CRBN: variants seen among roughly 807,000 people sequenced by gnomAD.
CRBN encodes cereblon.
CRBN carries 53 observed loss-of-function variants against 62.2 expected under a neutral mutation model. That is an observed-to-expected ratio of 0.85 (90% confidence interval 0.68 to 1.07). The LOEUF is 1.07. Among genes scored for constraint, CRBN ranks in the 50% least tolerant of loss-of-function variants. The pLI, the probability that CRBN is intolerant of heterozygous loss-of-function variation, is 0.00. For missense variants in CRBN, 616 were observed against 531.1 expected, an observed-to-expected ratio of 1.16 and a Z score of -1.57; for synonymous variants, 208 against 176.1, an observed-to-expected ratio of 1.18 and a Z score of -1.43.
intron 5 of CRBN, among the ~76,000 whole-genome samples, chr3:3,165,411 G>C (rs1242236815): frequency 6.6e-6 from 1 of 152,156 alleles, no homozygotes; most frequent in African/African-American, 2.4e-5. Context: ...TCAATCTGTG[G>C]GGCAAACTTC....
chr3:3,153,650 A>AAAGTCACT (rs1247438954), intron 8 of CRBN, 162 bp from the exon 9 acceptor site: 1 of 640,814 alleles, frequency 1.6e-6, no homozygotes, highest in African/African-American at 1.8e-5. Context: ...ATGGAGCACG[A>AAAGTCACT]AAGTCACTGA....
chr3:3,167,866 G>C (rs1707411957), intron 4 of CRBN, 73 bp from the exon 5 acceptor site: 1 of 1,443,364 alleles, frequency 6.9e-7, no homozygotes, highest in Non-Finnish European at 9.7e-7. Context: ...TTTCTAAACA[G>C]TGATAATTTT....
At position 3,173,996 on chromosome 3, in the gene CRBN, C is replaced by CACTG. The variant is rs1231938597; in HGVS notation, c.377+59_377+62dup. 2.9e-6 allele frequency: 4 copies of CACTG among 1,382,310 alleles called. No individual in the cohort carries two copies. In the African/African-American group the frequency reaches 4.3e-5, roughly 15 times the overall value. The allele number at this position is 1,382,310 out of a possible 1,614,324, so 85.6% of individuals were successfully genotyped here. On this transcript the variant is annotated intron_variant, in intron 3 of 10. Transcript: ENST00000231948. ...AAATAACAGCCTGCTTTGGCTTCAA[C>CACTG]ACTGACCACTGCAATTACCCATGAG...
intron 7 of CRBN, 25 bp from the exon 8 acceptor site, chr3:3,154,100 T>G (rs1295528318): frequency 7.1e-7 from 1 of 1,403,752 alleles, no homozygotes. Context: ...TTTTCAAGTT[T>G]TAAACTTAGG....
At position 3,172,841 on chromosome 3, in the gene CRBN, T is replaced by G; in HGVS notation, c.462A>C (p.Ile154=). ...GTCTTCCAATTGCTTTCACTTTCAC[T>G]ATCTCAATTCCAAAATCCTGTTCTT... ...YREEQDFGIE[I]VKVKAIGRQR... is the part of the protein sequence containing the mutation. Residue 154 remains isoleucine (I), a synonymous_variant, in exon 4 of 11, where the codon ATA becomes ATC. Transcript: ENST00000231948. The G allele has an allele frequency of 6.2e-7, 1 of 1,613,814 alleles. No individual in the cohort carries two copies. Among genetic ancestry groups the G allele is most frequent in the Non-Finnish European group, 8.5e-7 (1 of 1,179,694 alleles).
rs745409134 is a variant in CRBN, at chr3:3,179,609, C to G, written c.67+12G>C. On this transcript the variant is annotated intron_variant, in intron 1 of 10. Coordinates refer to ENST00000231948, the MANE Select transcript of CRBN (RefSeq NM_016302.4). Reference sequence around the variant, plus strand: ...CCACTCCCGACTACAGGGAACTACTCCGGGCGGTTACCAGGCAGGAGCGGC... The same window carrying G: ...CCACTCCCGACTACAGGGAACTACTGCGGGCGGTTACCAGGCAGGAGCGGC... 3.7e-6 allele frequency: 6 copies of G among 1,613,350 alleles called. No individual in the cohort carries two copies. In the Admixed American group the frequency reaches 8.3e-5, roughly 22 times the overall value.
Position 3,160,342 on chromosome 3 carries a change from C to A in CRBN, c.688-4061G>T, listed in dbSNP as rs1280783095. ...TCACTTATTGTGTTAAATCCTATTACAATCAGCAATGTAAATGACAGAAAT... is the reference window on the plus strand; with the variant it reads ...TCACTTATTGTGTTAAATCCTATTAAAATCAGCAATGTAAATGACAGAAAT... On this transcript the variant is annotated intron_variant, in intron 5 of 10. Transcript: ENST00000231948. 2.0e-5 allele frequency among the ~76,000 whole-genome samples: 3 copies of A among 152,276 alleles called. No homozygotes were observed. The East Asian group carries it at 5.8e-4, about 29-fold the overall frequency.
At chr3:3,151,496 A>AC (rs1168963163) in intron 10 of CRBN, among the ~76,000 whole-genome samples, 1 of 94,622 alleles carries the variant, frequency 1.1e-5, no homozygotes. Flanking sequence ...CAAAAAGTAA[A>AC]TATTTATATT....
intron 1 of CRBN, 141 bp downstream of exon 1, chr3:3,179,480 A>C: frequency 1.3e-6 from 1 of 741,594 alleles, no homozygotes; most frequent in Admixed American, 2.5e-5. Context: ...GGCCGACGTG[A>C]AGCAGCTTTC....
rs1031110166 is a variant in CRBN at position 3,173,968 on chromosome 3, G to A, written c.377+91C>T. On this transcript the variant is annotated intron_variant, in intron 3 of 10. Transcript: ENST00000231948. ...TTCTTACCCAACCTCTCCTGTACAT[G>A]CGAAATAACAGCCTGCTTTGGCTTC... The A allele has an allele frequency of 2.4e-5, 27 of 1,115,900 alleles. No homozygotes were observed. The African/African-American group carries it at 2.5e-4, about 10-fold the overall frequency. 69.1% of individuals were successfully genotyped at this position (1,115,900 alleles called of 1,614,324 possible). A position where few individuals can be genotyped will look rare whatever the true frequency, so the allele number is the denominator to read the frequency against.
chr3:3,167,231 T>C (rs1344358613), intron 5 of CRBN, among the ~76,000 whole-genome samples: 1 of 152,112 alleles, frequency 6.6e-6, no homozygotes, highest in Non-Finnish European at 1.5e-5. Context: ...TTCTCTCTGG[T>C]TTGGAAGAAG....
intron 10 of CRBN, among the ~76,000 whole-genome samples, chr3:3,152,213 C>A (rs1438458052): frequency 1.3e-5 from 2 of 150,354 alleles, no homozygotes; most frequent in African/African-American, 2.4e-5. Flanking sequence ...TGCAGTGGCA[C>A]AATCTTGGCT....
rs761596274 is a variant in CRBN, at chr3:3,151,002, T to C, written c.1192A>G (p.Ile398Val). 3 of 1,613,856 alleles carry C rather than the reference T, an allele frequency of 1.9e-6. No individual in the cohort carries two copies. In the Admixed American group the frequency reaches 5.0e-5, roughly 27 times the overall value. The change falls in exon 11 of 11, where the codon ATT becomes GTT. Residue 398 changes from isoleucine (I) to valine (V), a missense_variant. By Grantham distance (29) the Ile-to-Val change is conservative. Coordinates refer to ENST00000231948, the MANE Select transcript of CRBN (RefSeq NM_016302.4). ...TTGGTGGCCGTAAACTTCCATCCAA[T>C]ATGGCTTGCACAGATCTTACACTGG... ...VAQCKICASH[I>V]GWKFTATKKD...
intron 5 of CRBN, among the ~76,000 whole-genome samples, chr3:3,159,861 G>C (rs941180690): frequency 1.3e-5 from 2 of 152,104 alleles, no homozygotes; most frequent in Non-Finnish European, 2.9e-5. Flanking sequence ...AATAGGAAAG[G>C]CTCCTGTCTT....
chr3:3,154,424 C>G (rs958772058), intron 7 of CRBN: 3 of 455,216 alleles, frequency 6.6e-6, no homozygotes, highest in Admixed American at 3.8e-5. Context: ...ACTAGACTCA[C>G]TTCTTTTAAA....
chr3:3,160,912 T>C (rs760365930), intron 5 of CRBN, among the ~76,000 whole-genome samples: 1 of 152,058 alleles, frequency 6.6e-6, no homozygotes, highest in African/African-American at 2.4e-5. Context: ...ATTCAAAAAG[T>C]GGTAGTAGGA....
At position 3,152,167 on chromosome 3, in the gene CRBN, A is replaced by C. The variant is rs184427776; in HGVS notation, c.1148+289T>G. Among the ~76,000 whole-genome samples the C allele has an allele frequency of 1.0e-3, 69 of 67,956 alleles. No individual in the cohort carries two copies. In the East Asian group the frequency reaches 0.014, roughly 14 times the overall value. The allele number at this position is 67,956 out of a possible 152,430, so 44.6% of individuals were successfully genotyped here. On this transcript the variant is annotated intron_variant, in intron 10 of 10. Coordinates refer to ENST00000231948, the MANE Select transcript of CRBN (RefSeq NM_016302.4). ...TTAAATAAATTTTTTTTTTTTTTTAAATAGACAGATTCTCACTCTGTCACC... is the reference window on the plus strand; with the variant it reads ...TTAAATAAATTTTTTTTTTTTTTTACATAGACAGATTCTCACTCTGTCACC...
chr3:3,162,302 A>G (rs1451137566), intron 5 of CRBN, among the ~76,000 whole-genome samples: 3 of 152,204 alleles, frequency 2.0e-5, no homozygotes, highest in Non-Finnish European at 4.4e-5. Flanking sequence ...AAACAGGTTT[A>G]AACAAAATTT....
intron 4 of CRBN, among the ~76,000 whole-genome samples, chr3:3,171,345 T>G (rs1214700937): frequency 6.6e-6 from 1 of 152,070 alleles, no homozygotes; most frequent in Non-Finnish European, 1.5e-5. Context: ...GTTAGCAAAA[T>G]CCACAGTAAC....
Sources: gnomAD v4.1 joint callset for allele counts (sites outside exome capture counted in the v4.1 genomes callset) on GRCh38, gnomAD v4.1.1 for gene constraint, MANE v1.5 for transcripts, NCBI Gene and HGNC (gene_info 2026-07-23, HGNC 2026-07-21) for gene names.